Variants in SNTG1 observed in about 807,000 individuals in gnomAD.
The protein encoded by SNTG1 is gamma-1-syntrophin.
A neutral mutation model predicts 74.7 loss-of-function variants in SNTG1; 39 were observed. That is an observed-to-expected ratio of 0.52 (90% CI 0.40 to 0.68). The LOEUF (loss-of-function observed/expected upper bound fraction) is 0.68, where lower values mean the gene tolerates loss of function less well. SNTG1 is among the 30% of genes least tolerant of loss of function. The pLI is 0.00. For synonymous variants in SNTG1, 254 were observed against 217.1 expected (o/e 1.17, Z -1.49); for missense variants, 685 against 609.5 (o/e 1.12, Z -1.30).
chr8:50,155,980 A>T (rs1208930379), intron 1 of SNTG1, among the ~76,000 whole-genome samples: 1 of 152,094 alleles, frequency 6.6e-6, no homozygotes, highest in Non-Finnish European at 1.5e-5. Flanking sequence ...AAAGGAAAAA[A>T]AATAAACACT....
intron 8 of SNTG1, among the ~76,000 whole-genome samples, chr8:50,484,859 CAAAAAA>C (rs1027673294): frequency 2.3e-5 from 3 of 128,182 alleles, no homozygotes; most frequent in African/African-American, 8.5e-5. Context: ...GACTCCATCT[CAAAAAA>C]AAAAAGAAAA....
At chr8:50,110,360 C>T (rs1324524187) in intron 1 of SNTG1, among the ~76,000 whole-genome samples, 1 of 152,110 alleles carries the variant, frequency 6.6e-6, no homozygotes, top group Non-Finnish European at 1.5e-5. Flanking sequence ...TCATGTCTGG[C>T]TATCAGCCTA....
intron 17 of SNTG1, among the ~76,000 whole-genome samples, chr8:50,738,642 T>C (rs546860815): frequency 2.0e-4 from 31 of 152,184 alleles, no homozygotes; most frequent in African/African-American, 6.7e-4. Context: ...GGCATCATGA[T>C]ACCTGACTTC....
At chr8:50,307,226 C>T (rs2089937157) in intron 2 of SNTG1, among the ~76,000 whole-genome samples, 2 of 152,028 alleles carry the variant, frequency 1.3e-5, no homozygotes, top group Non-Finnish European at 2.9e-5. Flanking sequence ...TTCTCTTGTA[C>T]ATAAATGTAT....
At chr8:50,598,061 T>G (rs1021659242) in intron 13 of SNTG1, among the ~76,000 whole-genome samples, 9 of 151,884 alleles carry the variant, frequency 5.9e-5, no homozygotes, top group African/African-American at 2.2e-4. Flanking sequence ...TTTTTGTTTT[T>G]TTTTAGTTTG....
chr8:50,333,668 G>A (rs2091042627), intron 2 of SNTG1, among the ~76,000 whole-genome samples: 1 of 152,202 alleles, frequency 6.6e-6, no homozygotes, highest in Admixed American at 6.5e-5. Flanking sequence ...TCTCGCTTGA[G>A]TTCCCATCAT....
In SNTG1 at chr8:50,375,477, G is replaced by A. The variant is rs575014941; in HGVS notation, c.-27-18735G>A. Among the ~76,000 whole-genome samples the A allele has an allele frequency of 1.9e-4, 29 of 152,186 alleles. No individual in the cohort carries two copies. In the East Asian group the frequency reaches 4.5e-3, roughly 24 times the overall value. ...AAGAATCAAGGGCATGGCAGCTGTGGGAGGGGTGCTGAGCAATTGTGAGCA... is the reference window on the plus strand; with the variant it reads ...AAGAATCAAGGGCATGGCAGCTGTGAGAGGGGTGCTGAGCAATTGTGAGCA... On this transcript the variant is annotated intron_variant, in intron 2 of 18. Transcript: ENST00000642720.
intron 2 of SNTG1, among the ~76,000 whole-genome samples, chr8:50,216,935 G>T (rs1033672341): frequency 6.6e-6 from 1 of 151,858 alleles, no homozygotes; most frequent in Non-Finnish European, 1.5e-5. Flanking sequence ...ATAGTATCCT[G>T]TTAATATTTA....
chr8:50,063,102 A>G (rs1402656489), intron 1 of SNTG1, among the ~76,000 whole-genome samples: 1 of 152,252 alleles, frequency 6.6e-6, no homozygotes, highest in African/African-American at 2.4e-5. Context: ...TTGCCTTGCA[A>G]GAGGCATTAA....
chr8:50,619,511 C>A (rs2094906764), intron 13 of SNTG1, among the ~76,000 whole-genome samples: 1 of 152,088 alleles, frequency 6.6e-6, no homozygotes, highest in African/African-American at 2.4e-5. Context: ...GCGGGCAGAT[C>A]ACGAGGTCAG....
intron 14 of SNTG1, among the ~76,000 whole-genome samples, 187 bp from the exon 15 acceptor site, chr8:50,658,405 G>A (rs908912468): frequency 1.3e-5 from 2 of 152,116 alleles, no homozygotes; most frequent in African/African-American, 2.4e-5. Context: ...AAGACAAATG[G>A]TAACAAAGCT....
intron 1 of SNTG1, among the ~76,000 whole-genome samples, chr8:49,938,403 A>G (rs1808282093): frequency 6.6e-6 from 1 of 152,170 alleles, no homozygotes; most frequent in Admixed American, 6.5e-5. Context: ...GAGCATGTGC[A>G]TGTTTATTAA....
intron 2 of SNTG1, among the ~76,000 whole-genome samples, chr8:50,207,341 A>G (rs1426659951): frequency 2.6e-5 from 4 of 152,104 alleles, no homozygotes; most frequent in Admixed American, 2.0e-4. Context: ...TAGATTTTGT[A>G]GTTTATTTGC....
Position 50,402,193 on chromosome 8 carries a change from T to G in SNTG1, c.28-17T>G, listed in dbSNP as rs748534846. On this transcript the variant is annotated splice_polypyrimidine_tract_variant and intron_variant, in intron 3 of 18. Transcript: ENST00000642720. ...AGTATAATTTTTCCTCTGTTTGTTTTTTTTTTTAATCTGAAGACAAAGACA... is the reference window on the plus strand; with the variant it reads ...AGTATAATTTTTCCTCTGTTTGTTTGTTTTTTTAATCTGAAGACAAAGACA... The G allele has an allele frequency of 5.1e-6, 8 of 1,581,000 alleles. No homozygotes were observed. Among genetic ancestry groups the G allele is most frequent in the Admixed American group, 4.1e-5 (2 of 48,754 alleles).
intron 12 of SNTG1, among the ~76,000 whole-genome samples, chr8:50,582,165 C>CTTGT (rs2094614357): frequency 6.6e-6 from 1 of 152,040 alleles, no homozygotes; most frequent in Non-Finnish European, 1.5e-5. Flanking sequence ...TGTTTGATTG[C>CTTGT]TTGTTTGTTT....
rs117247509 is a variant in SNTG1, at chr8:50,277,016, G to A, written c.-28+104381G>A. Among the ~76,000 whole-genome samples the A allele has an allele frequency of 5.2e-3, 792 of 152,156 alleles. 4 individuals carry two copies. Among genetic ancestry groups the A allele is most frequent in the Non-Finnish European group, 8.5e-3 (576 of 67,998 alleles). ...GGCTAATTTTTTGATTTGTAGTAGA[G>A]ATAGGGTTTCACTGAATTAGCCAGG... On this transcript the variant is annotated intron_variant, in intron 2 of 18. Transcript: ENST00000642720.
intron 15 of SNTG1, among the ~76,000 whole-genome samples, chr8:50,659,507 A>G (rs1051292390): frequency 3.3e-5 from 5 of 152,204 alleles, no homozygotes; most frequent in Non-Finnish European, 5.9e-5. Flanking sequence ...AAATATAATA[A>G]AATGCATCAA....
At chr8:49,959,006 A>C (rs1228965622) in intron 1 of SNTG1, among the ~76,000 whole-genome samples, 3 of 152,202 alleles carry the variant, frequency 2.0e-5, no homozygotes, top group Non-Finnish European at 4.4e-5. Context: ...TAATGTGCAA[A>C]ATATGATTCT....
chr8:49,995,643 C>T (rs992469744), intron 1 of SNTG1, among the ~76,000 whole-genome samples: 3 of 152,204 alleles, frequency 2.0e-5, no homozygotes, highest in Admixed American at 6.5e-5. Flanking sequence ...TAAAAGAATA[C>T]TGCAGTGAAA....
Sources: gnomAD v4.1 joint callset for allele counts (sites outside exome capture counted in the v4.1 genomes callset) on GRCh38, gnomAD v4.1.1 for gene constraint, MANE v1.5 for transcripts, NCBI Gene and HGNC (gene_info 2026-07-23, HGNC 2026-07-21) for gene names.